The following ZNF704 variants were observed in gnomAD, a reference collection of about 807,000 sequenced individuals.
ZNF704 encodes the protein glucocorticoid induced gene 1.
Under a neutral mutation model 44.7 loss-of-function variants are expected in ZNF704, and 10 were observed. The observed-to-expected ratio is 0.22, with a 90% CI of 0.14 to 0.38. ZNF704 has a LOEUF of 0.38. Among genes scored for constraint, ZNF704 ranks in the 10% least tolerant of loss-of-function variants. ZNF704 has a pLI of 1.00. For missense variants in ZNF704, 390 were observed against 545.5 expected, an observed-to-expected ratio of 0.71 and a Z score of 2.84; for synonymous variants, 211 against 207.6, an observed-to-expected ratio of 1.02 and a Z score of -0.14.
intron 2 of ZNF704, among the ~76,000 whole-genome samples, chr8:80,742,594 C>T (rs1040957832): frequency 1.3e-5 from 2 of 152,184 alleles, no homozygotes; most frequent in Non-Finnish European, 2.9e-5. Flanking sequence ...TCTTTAACCT[C>T]CTTGTTAAGT....
At chr8:80,702,369 G>A (rs1818823792) in intron 2 of ZNF704, among the ~76,000 whole-genome samples, 1 of 152,182 alleles carries the variant, frequency 6.6e-6, no homozygotes, top group African/African-American at 2.4e-5. Flanking sequence ...GACACCAAAA[G>A]TCTATCAAGC....
rs556476154 is a variant in ZNF704, at chr8:80,699,488, AGT to A, written c.222-6383_222-6382del. Among the ~76,000 whole-genome samples the A allele has an allele frequency of 1.8e-3, 273 of 152,224 alleles. 1 individual carries two copies. Among genetic ancestry groups the A allele is most frequent in the African/African-American group, 6.4e-3 (264 of 41,562 alleles). On this transcript the variant is annotated intron_variant, in intron 2 of 8. Transcript: ENST00000327835. ...TGGATCGAACAAGATGGAAAATTAGAGTGAATACATCATAATACATAAGGCAA... is the reference window on the plus strand; with the variant it reads ...TGGATCGAACAAGATGGAAAATTAGAGAATACATCATAATACATAAGGCAA...
At chr8:80,669,576 T>C (rs896456856) in intron 5 of ZNF704, among the ~76,000 whole-genome samples, 1 of 152,236 alleles carries the variant, frequency 6.6e-6, no homozygotes, top group African/African-American at 2.4e-5. Flanking sequence ...CTTCTGCCTA[T>C]ATCACTTGTT....
intron 2 of ZNF704, among the ~76,000 whole-genome samples, chr8:80,762,882 T>C (rs530942539): frequency 6.6e-6 from 1 of 152,282 alleles, no homozygotes; most frequent in African/African-American, 2.4e-5. Context: ...CCATTCCAAA[T>C]GGGAGAAGCT....
chr8:80,650,145 C>T (rs1464334437), intron 7 of ZNF704, among the ~76,000 whole-genome samples: 1 of 152,170 alleles, frequency 6.6e-6, no homozygotes, highest in Non-Finnish European at 1.5e-5. Context: ...AGGACATCCA[C>T]ACCAAAACCC....
At chr8:80,699,625 C>T (rs998051154) in intron 2 of ZNF704, among the ~76,000 whole-genome samples, 1 of 152,180 alleles carries the variant, frequency 6.6e-6, no homozygotes, top group African/African-American at 2.4e-5. Context: ...TGGAAAATTT[C>T]TGCACCCCTT....
intron 2 of ZNF704, among the ~76,000 whole-genome samples, chr8:80,759,503 G>T (rs78498106): frequency 1.3e-5 from 2 of 152,062 alleles, no homozygotes; most frequent in Non-Finnish European, 2.9e-5. Flanking sequence ...CAAAGGTGAC[G>T]ATGTGTCACC....
intron 7 of ZNF704, among the ~76,000 whole-genome samples, chr8:80,649,873 G>C: frequency 6.6e-6 from 1 of 152,188 alleles, no homozygotes; most frequent in Non-Finnish European, 1.5e-5. Flanking sequence ...TCCTCAAGTG[G>C]GTCCATGACC....
intron 6 of ZNF704, among the ~76,000 whole-genome samples, chr8:80,663,720 A>G (rs1818138196): frequency 6.9e-6 from 1 of 144,546 alleles, no homozygotes; most frequent in Non-Finnish European, 1.5e-5. Flanking sequence ...AAGCTTTCCA[A>G]TGCTTACATT....
intron 1 of ZNF704, among the ~76,000 whole-genome samples, chr8:80,831,949 A>AT (rs1808478918): frequency 6.6e-6 from 1 of 152,326 alleles, no homozygotes; most frequent in Admixed American, 6.5e-5. Flanking sequence ...TTGTAGTCAT[A>AT]TTGTACTACA....
chr8:80,696,871 CTG>C (rs1224762291), intron 2 of ZNF704, among the ~76,000 whole-genome samples: 5 of 152,180 alleles, frequency 3.3e-5, no homozygotes, highest in South Asian at 2.1e-4. Context: ...GCTGAACAAA[CTG>C]TGTGTTGTGT....
At chr8:80,679,747 C>G (rs982979110) in intron 4 of ZNF704, among the ~76,000 whole-genome samples, 2 of 152,232 alleles carry the variant, frequency 1.3e-5, no homozygotes, top group Non-Finnish European at 2.9e-5. Flanking sequence ...GCAGCTTCCA[C>G]GTGTACTTTA....
At chr8:80,674,177 C>T (rs1818323613) in intron 4 of ZNF704, among the ~76,000 whole-genome samples, 1 of 152,174 alleles carries the variant, frequency 6.6e-6, no homozygotes. Flanking sequence ...TTCCTGACCT[C>T]CTTGGGCCAG....
chr8:80,874,634 C>T lies in ZNF704; in HGVS notation c.-85G>A, dbSNP rs1488232632. ...CCCTGACACCAGGGCAAACGCTTAA[C>T]CGCAGCCCATTCTTCCCTCCGGAGG... is the stretch of plus-strand genomic sequence containing the variant. On this transcript the variant is annotated 5_prime_UTR_variant, in exon 1 of 9. Transcript: ENST00000327835. This position sits in a 1 kb window ranked among gnomAD's most constrained non-coding sequence, Gnocchi z 4.4. The T allele has an allele frequency of 2.0e-5, 3 of 150,084 alleles. No individual in the cohort carries two copies. The highest frequency in any genetic ancestry group is 4.4e-5 in the Non-Finnish European group (3 of 67,542). 9.3% of individuals were successfully genotyped at this position (150,084 alleles called of 1,614,324 possible).
At chr8:80,839,665 C>A (rs376852109) in intron 1 of ZNF704, among the ~76,000 whole-genome samples, 1 of 152,190 alleles carries the variant, frequency 6.6e-6, no homozygotes, top group African/African-American at 2.4e-5. Flanking sequence ...TGCTTCAACA[C>A]TGAGGCTTTC....
rs1563500107 is a variant in ZNF704, at chr8:80,640,531, T to G, written c.*835A>C. On this transcript the variant is annotated 3_prime_UTR_variant, in exon 9 of 9. Coordinates refer to ENST00000327835, the MANE Select transcript of ZNF704 (RefSeq NM_001033723.3). ...AAAGAAGCATCGAGGCTTACCCAGATGGCTACAGGTGCCAATTCTTGACTG... is the reference window on the plus strand; with the variant it reads ...AAAGAAGCATCGAGGCTTACCCAGAGGGCTACAGGTGCCAATTCTTGACTG... The G allele has an allele frequency of 6.6e-6, 1 of 152,224 alleles. No individual in the cohort carries two copies. Among genetic ancestry groups the G allele is most frequent in the Non-Finnish European group, 1.5e-5 (1 of 68,048 alleles). 9.4% of individuals were successfully genotyped at this position (152,224 alleles called of 1,614,324 possible). A position where few individuals can be genotyped will look rare whatever the true frequency, so the allele number is the denominator to read the frequency against.
At chr8:80,709,161 C>G (rs891728127) in intron 2 of ZNF704, among the ~76,000 whole-genome samples, 1 of 151,970 alleles carries the variant, frequency 6.6e-6, no homozygotes, top group South Asian at 2.1e-4. Context: ...TCTAAAAGTT[C>G]AGGCCAGGTG....
At position 80,699,402 on chromosome 8, in the gene ZNF704, A is replaced by AT. The variant is rs1818774445; in HGVS notation, c.222-6296_222-6295insA. ...AGTATTCATCAAAATTGATGGAAAA[A>AT]GAAAAAAAAATCAAAGGGAAGATTA... On this transcript the variant is annotated intron_variant, in intron 2 of 8. Coordinates refer to ENST00000327835, the MANE Select transcript of ZNF704 (RefSeq NM_001033723.3). 2.1e-5 allele frequency among the ~76,000 whole-genome samples: 3 copies of AT among 143,272 alleles called. No homozygotes were observed. The East Asian group carries it at 6.1e-4, about 29-fold the overall frequency. The allele number at this position is 143,272 out of a possible 152,430, so 94.0% of individuals were successfully genotyped here. A position where few individuals can be genotyped will look rare whatever the true frequency, so the allele number is the denominator to read the frequency against.
chr8:80,727,327 G>A (rs1017734299), intron 2 of ZNF704, among the ~76,000 whole-genome samples: 1 of 152,144 alleles, frequency 6.6e-6, no homozygotes, highest in Non-Finnish European at 1.5e-5. Context: ...TGTTTTAAGT[G>A]GAAGAGGGGA....
Sources: gnomAD v4.1 joint callset for allele counts (sites outside exome capture counted in the v4.1 genomes callset) on GRCh38, gnomAD v4.1.1 for gene constraint, Gnocchi (gnomAD v3.1) non-coding constraint, MANE v1.5 for transcripts, NCBI Gene and HGNC (gene_info 2026-07-23, HGNC 2026-07-21) for gene names.